PDS5B: variants seen among roughly 807,000 people sequenced by gnomAD.
The protein encoded by PDS5B is PDS5 cohesin associated factor B, also known as sister chromatid cohesion protein PDS5 homolog B.
In PDS5B, 51 loss-of-function variants were observed where a neutral mutation model predicts 184.1. The ratio of observed to expected loss-of-function variants is 0.28; its 90% CI spans 0.22 to 0.35. The LOEUF is 0.35. Among genes scored for constraint, PDS5B ranks in the 10% least tolerant of loss-of-function variants. PDS5B has a pLI of 1.00. For synonymous variants in PDS5B, 566 were observed against 569.2 expected, an observed-to-expected ratio of 0.99 and a Z score of 0.08; for missense variants, 1,180 against 1,723.3, an observed-to-expected ratio of 0.68 and a Z score of 5.58.
At position 32,655,375 on chromosome 13, in the gene PDS5B, T is replaced by TATATATATATATA. The variant is rs1555296358; in HGVS notation, c.313-2864_313-2863insATATATATATATA. The stretch of plus-strand genomic sequence containing the variant: ...GTTCTTTGCCATATATATATATATA[T>TATATATATATATA]TTTTTTTTTTTTTTTTTTTTTTAGA... On this transcript the variant is annotated intron_variant, in intron 3 of 34. Transcript: ENST00000315596. Among the ~76,000 whole-genome samples, 339 of 50,806 alleles carry TATATATATATATA rather than the reference T, an allele frequency of 6.7e-3. 3 individuals are homozygous for TATATATATATATA. Among genetic ancestry groups the TATATATATATATA allele is most frequent in the Non-Finnish European group, 7.8e-3 (249 of 31,750 alleles). 33.3% of individuals were successfully genotyped at this position (50,806 alleles called of 152,430 possible). A position where few individuals can be genotyped will look rare whatever the true frequency, so the allele number is the denominator to read the frequency against.
chr13:32,769,923 C>T (rs566178377), intron 31 of PDS5B, among the ~76,000 whole-genome samples, 198 bp from the exon 32 acceptor site: 10 of 152,162 alleles, frequency 6.6e-5, no homozygotes, highest in African/African-American at 2.2e-4. Context: ...TGCAAATGTA[C>T]CCTTTTATCC....
At chr13:32,719,561 A>C (rs191376471) in intron 19 of PDS5B, among the ~76,000 whole-genome samples, 131 of 151,898 alleles carry the variant, frequency 8.6e-4, no homozygotes, top group African/African-American at 3.1e-3. Flanking sequence ...CCCACCATGT[A>C]TGGTATGGTT....
chr13:32,666,058 G>A (rs1255139299), intron 6 of PDS5B, among the ~76,000 whole-genome samples: 1 of 152,038 alleles, frequency 6.6e-6, no homozygotes, highest in Non-Finnish European at 1.5e-5. Context: ...TTAGATAGAA[G>A]GCATAGTTCT....
intron 6 of PDS5B, among the ~76,000 whole-genome samples, chr13:32,665,569 A>G (rs1246792250): frequency 7.3e-6 from 1 of 136,994 alleles, no homozygotes; most frequent in African/African-American, 2.6e-5. Context: ...ATCCTGGGCG[A>G]CAGAGCGAGA....
In PDS5B at chr13:32,732,117, T is replaced by G. The variant is rs775076226; in HGVS notation, c.2140T>G (p.Leu714Val). 1.2e-6 allele frequency: 2 copies of G among 1,610,222 alleles called. No homozygotes were observed. Among genetic ancestry groups the G allele is most frequent in the South Asian group, 1.1e-5 (1 of 90,610 alleles). The change falls in exon 20 of 35, where the codon TTA becomes GTA. Residue 714 changes from leucine (L) to valine (V), a missense_variant. By Grantham distance (32) the Leu-to-Val change is conservative. This residue lies in a region of PDS5B where 475 missense variants were observed against 691.5 expected (regional missense o/e 0.69). Transcript: ENST00000315596. ...PHIRSALLPV[L>V]HHKSKKGPPR... Reference sequence around the variant, plus strand: ...TTTTAATAGAGCCTTGCTTCCTGTTTTACATCACAAATCTAAAAAAGGACC... The same window carrying G: ...TTTTAATAGAGCCTTGCTTCCTGTTGTACATCACAAATCTAAAAAAGGACC...
intron 10 of PDS5B, 50 bp downstream of exon 10, chr13:32,678,979 A>G (rs751909830): frequency 4.7e-5 from 49 of 1,033,996 alleles, no homozygotes; most frequent in Non-Finnish European, 6.3e-5. Context: ...TTCAGTGGAA[A>G]AAAATAAGTT....
intron 1 of PDS5B, among the ~76,000 whole-genome samples, chr13:32,638,648 A>C (rs399622): frequency 0.23 from 24,027 of 103,990 alleles, 2,241 homozygotes; most frequent in South Asian, 0.37. Context: ...AATATATTTG[A>C]ATGCTGAGAG....
chr13:32,673,317 G>A lies in PDS5B; in HGVS notation c.807G>A (p.Leu269=). The change falls in exon 8 of 35, where the codon TTG becomes TTA. Residue 269 remains leucine (L), a synonymous_variant. Coordinates refer to ENST00000315596, the MANE Select transcript of PDS5B (RefSeq NM_015032.4). ...ILELYNIDSH[L]LLSVLPQLEF... ...AGCTCTACAATATTGATAGTCATTT[G>A]CTGCTCTCTGTTTTACCCCAGCTTG... The A allele has an allele frequency of 6.2e-7, 1 of 1,612,882 alleles. No homozygotes were observed. Among genetic ancestry groups the A allele is most frequent in the Non-Finnish European group, 8.5e-7 (1 of 1,179,386 alleles).
chr13:32,696,799 A>T (rs747356498), intron 14 of PDS5B, 55 bp from the exon 15 acceptor site: 1 of 1,272,784 alleles, frequency 7.9e-7, no homozygotes, highest in Non-Finnish European at 1.1e-6. Flanking sequence ...GCAGAGTATG[A>T]TGAAGTTTTC....
chr13:32,668,844 A>G (rs1345458683), intron 7 of PDS5B, among the ~76,000 whole-genome samples: 3 of 152,208 alleles, frequency 2.0e-5, no homozygotes, highest in African/African-American at 4.8e-5. Flanking sequence ...AAAACTAACT[A>G]CTTCATAAAA....
chr13:32,625,332 G>A (rs1327107031), intron 1 of PDS5B, among the ~76,000 whole-genome samples: 1 of 152,044 alleles, frequency 6.6e-6, no homozygotes, highest in Non-Finnish European at 1.5e-5. Context: ...CTGTCTCAGC[G>A]TCCTGAGTAG....
Position 32,733,040 on chromosome 13 carries a change from C to T in PDS5B, c.2247+816C>T, listed in dbSNP as rs1953179809. Among the ~76,000 whole-genome samples, 3 of 152,084 alleles carry T rather than the reference C, an allele frequency of 2.0e-5. No individual in the cohort carries two copies. In the South Asian group the frequency reaches 6.2e-4, roughly 32 times the overall value. On this transcript the variant is annotated intron_variant, in intron 20 of 34. Coordinates refer to ENST00000315596, the MANE Select transcript of PDS5B (RefSeq NM_015032.4). ...CAAACACCATCTTTCCTGTAGATAG[C>T]AGATAATTTAATTTTTGTGTATTTG...
intron 1 of PDS5B, among the ~76,000 whole-genome samples, chr13:32,625,528 A>G (rs1166424811): frequency 6.6e-6 from 1 of 152,080 alleles, no homozygotes; most frequent in Non-Finnish European, 1.5e-5. Flanking sequence ...CTTTTGGACT[A>G]TTTGAGTCTC....
chr13:32,645,770 C>A (rs1246555048), intron 1 of PDS5B, among the ~76,000 whole-genome samples: 3 of 152,138 alleles, frequency 2.0e-5, no homozygotes. Flanking sequence ...GTCTTTAGCT[C>A]TATATGACTT....
chr13:32,590,891 A>G (rs896204655), intron 1 of PDS5B, among the ~76,000 whole-genome samples: 1 of 151,874 alleles, frequency 6.6e-6, no homozygotes, highest in African/African-American at 2.4e-5. Flanking sequence ...TGCAGGCCTT[A>G]AGTACTCTAT....
chr13:32,757,076 A>G (rs146950747), intron 26 of PDS5B, among the ~76,000 whole-genome samples: 10 of 152,200 alleles, frequency 6.6e-5, no homozygotes, highest in Non-Finnish European at 1.2e-4. Flanking sequence ...CAGTGAGCCA[A>G]GATCACACCA....
intron 1 of PDS5B, among the ~76,000 whole-genome samples, chr13:32,610,820 A>G (rs2058129805): frequency 6.6e-6 from 1 of 152,150 alleles, no homozygotes; most frequent in Non-Finnish European, 1.5e-5. Context: ...GGTGAGGATG[A>G]AATGAATTAA....
chr13:32,586,801 G>C (rs1593216574), intron 1 of PDS5B, among the ~76,000 whole-genome samples: 2 of 145,598 alleles, frequency 1.4e-5, no homozygotes, highest in Admixed American at 1.4e-4. Context: ...GGGTCGCGGG[G>C]CGCGGGCCGG....
intron 1 of PDS5B, among the ~76,000 whole-genome samples, chr13:32,591,881 A>C (rs1350935649): frequency 1.3e-5 from 2 of 152,256 alleles, no homozygotes; most frequent in African/African-American, 4.8e-5. Context: ...AAGAGGAAAA[A>C]TATTTTGGGG....
Sources: gnomAD v4.1 joint callset for allele counts (sites outside exome capture counted in the v4.1 genomes callset) on GRCh38, gnomAD v4.1.1 for gene constraint, gnomAD v4.1.1 regional missense constraint, MANE v1.5 for transcripts, NCBI Gene and HGNC (gene_info 2026-07-23, HGNC 2026-07-21) for gene names.